The following CFAP299 variants were observed in gnomAD, a reference collection of about 807,000 sequenced individuals.
CFAP299 encodes cilia- and flagella-associated protein 299.
A neutral mutation model predicts 27.0 loss-of-function variants in CFAP299; 21 were observed. That is an observed-to-expected ratio of 0.78 (90% CI 0.55 to 1.12). The LOEUF is 1.12. Ranked by LOEUF, CFAP299 falls within the 50% of genes most tolerant of loss-of-function variation. The pLI is 0.00. For synonymous variants in CFAP299, 104 were observed against 98.1 expected (o/e 1.06, Z -0.36); for missense variants, 310 against 276.6 (o/e 1.12, Z -0.86).
chr4:80,494,011 A>G (rs1378884079), intron 2 of CFAP299, among the ~76,000 whole-genome samples: 7 of 151,704 alleles, frequency 4.6e-5, no homozygotes, highest in East Asian at 1.9e-4. Flanking sequence ...TCCTGACCTC[A>G]TGATCCACCC....
intron 4 of CFAP299, among the ~76,000 whole-genome samples, chr4:80,889,580 T>C (rs1204120186): frequency 6.6e-6 from 1 of 152,000 alleles, no homozygotes; most frequent in Non-Finnish European, 1.5e-5. Flanking sequence ...GTTCAAACTA[T>C]TGTGAAAAAT....
intron 3 of CFAP299, among the ~76,000 whole-genome samples, chr4:80,627,905 C>T (rs1045058799): frequency 6.6e-6 from 1 of 152,020 alleles, no homozygotes; most frequent in Non-Finnish European, 1.5e-5. Flanking sequence ...CATGTCCATA[C>T]TACCCAAAGC....
chr4:80,550,923 G>A (rs1277433992), intron 2 of CFAP299, among the ~76,000 whole-genome samples: 1 of 151,972 alleles, frequency 6.6e-6, no homozygotes. Context: ...TTTCCTGAAA[G>A]TAATGGGTTT....
the CFAP299 span, among the ~76,000 whole-genome samples, chr4:80,322,468 C>A: frequency 1.3e-5 from 2 of 152,192 alleles, no homozygotes; most frequent in South Asian, 4.1e-4. Flanking sequence ...TACCATCCCC[C>A]TGTGCTTGTA....
intron 2 of CFAP299, among the ~76,000 whole-genome samples, chr4:80,467,076 C>A (rs968869054): frequency 2.6e-5 from 4 of 152,010 alleles, no homozygotes; most frequent in African/African-American, 9.7e-5. Flanking sequence ...TGTTTTTTGT[C>A]TTAGGTTGTG....
intron 2 of CFAP299, among the ~76,000 whole-genome samples, chr4:80,491,259 G>A (rs187824058): frequency 1.3e-5 from 2 of 152,020 alleles, no homozygotes; most frequent in African/African-American, 4.8e-5. Context: ...AATTAATATA[G>A]ATTAAACACC....
intron 2 of CFAP299, among the ~76,000 whole-genome samples, chr4:80,520,209 C>T (rs1451672421): frequency 1.3e-5 from 2 of 152,160 alleles, no homozygotes; most frequent in South Asian, 2.1e-4. Context: ...TAATATGTAG[C>T]ACAACCAAAC....
chr4:80,388,013 AG>A lies in CFAP299; in HGVS notation c.242+25133del, dbSNP rs545049999. 198 of 704,664 alleles carry A rather than the reference AG, an allele frequency of 2.8e-4. 2 individuals are homozygous for A. The South Asian group carries it at 3.2e-3, about 11-fold the overall frequency. 43.7% of individuals were successfully genotyped at this position (704,664 alleles called of 1,614,324 possible). ...CTCCACACACTGGTTTGGCACCTCC[AG>A]GGGTGGGTAGGGCTGCATCACCAGT... On this transcript the variant is annotated intron_variant, in intron 2 of 5. Transcript: ENST00000358105.
intron 3 of CFAP299, among the ~76,000 whole-genome samples, chr4:80,589,436 A>G (rs1736610226): frequency 6.6e-6 from 1 of 152,202 alleles, no homozygotes; most frequent in African/African-American, 2.4e-5. Context: ...TATTTAACAA[A>G]ATGCTAAAAT....
In CFAP299 at chr4:80,754,966, C is replaced by T. The variant is rs528661203; in HGVS notation, c.334-115027C>T. ...AGGAAACAATGTTCTTTCCTACTTC[C>T]TATGTGAGAATAGATATTAATTTTT... On this transcript the variant is annotated intron_variant, in intron 3 of 5. Coordinates refer to ENST00000358105, the MANE Select transcript of CFAP299 (RefSeq NM_152770.3). Among the ~76,000 whole-genome samples, 9 of 152,134 alleles carry T rather than the reference C, an allele frequency of 5.9e-5. 1 individual carries two copies. Among genetic ancestry groups the T allele is most frequent in the African/African-American group, 2.2e-4 (9 of 41,510 alleles).
At chr4:80,543,155 G>A (rs1373859187) in intron 2 of CFAP299, among the ~76,000 whole-genome samples, 1 of 152,098 alleles carries the variant, frequency 6.6e-6, no homozygotes, top group Non-Finnish European at 1.5e-5. Flanking sequence ...CACGCAACTG[G>A]CACCACAGTC....
chr4:80,388,418 G>C, intron 2 of CFAP299: 1 of 770,602 alleles, frequency 1.3e-6, no homozygotes. Flanking sequence ...GGGTGCTGCC[G>C]AAGGTGTGTA....
chr4:80,400,732 A>G (rs1351253077), intron 2 of CFAP299, among the ~76,000 whole-genome samples: 2 of 152,204 alleles, frequency 1.3e-5, no homozygotes, highest in East Asian at 3.8e-4. Flanking sequence ...GCGTTGCTGA[A>G]TAGATACCTG....
intron 3 of CFAP299, among the ~76,000 whole-genome samples, chr4:80,726,863 A>C (rs1488559398): frequency 6.6e-6 from 1 of 152,142 alleles, no homozygotes; most frequent in African/African-American, 2.4e-5. Flanking sequence ...TTATATAATC[A>C]GTTGGATACA....
chr4:80,453,813 C>G (rs1362231503), intron 2 of CFAP299, among the ~76,000 whole-genome samples: 1 of 148,166 alleles, frequency 6.7e-6, no homozygotes, highest in Non-Finnish European at 1.5e-5. Flanking sequence ...TACACTCCAG[C>G]CTGGGTGACA....
chr4:80,512,887 A>G (rs1732389789), intron 2 of CFAP299, among the ~76,000 whole-genome samples: 1 of 152,060 alleles, frequency 6.6e-6, no homozygotes, highest in African/African-American at 2.4e-5. Flanking sequence ...TTTTCTTCAC[A>G]TAAATGATTA....
chr4:80,479,614 A>T (rs1271696251), intron 2 of CFAP299, among the ~76,000 whole-genome samples: 1 of 152,010 alleles, frequency 6.6e-6, no homozygotes, highest in Non-Finnish European at 1.5e-5. Context: ...TTTGCAACAG[A>T]CTGATAATGA....
intron 2 of CFAP299, among the ~76,000 whole-genome samples, chr4:80,465,744 C>G (rs573221229): frequency 3.3e-5 from 5 of 152,148 alleles, no homozygotes; most frequent in Non-Finnish European, 7.4e-5. Context: ...AACACACAAA[C>G]ATAAGGAATC....
intron 5 of CFAP299, among the ~76,000 whole-genome samples, chr4:80,948,749 G>GA (rs1208043451): frequency 2.0e-5 from 3 of 151,824 alleles, no homozygotes; most frequent in Non-Finnish European, 2.9e-5. Context: ...CCATCACCTG[G>GA]AAAAATGCCT....
Sources: gnomAD v4.1 joint callset for allele counts (sites outside exome capture counted in the v4.1 genomes callset) on GRCh38, gnomAD v4.1.1 for gene constraint, MANE v1.5 for transcripts, NCBI Gene and HGNC (gene_info 2026-07-23, HGNC 2026-07-21) for gene names.